ALK: variants seen among roughly 807,000 people sequenced by gnomAD.
ALK encodes ALK receptor tyrosine kinase.
ALK carries 74 observed loss-of-function variants against 163.1 expected under a neutral mutation model. The ratio of observed to expected loss-of-function variants is 0.45; its 90% CI spans 0.38 to 0.55. The LOEUF (loss-of-function observed/expected upper bound fraction) is 0.55, where lower values mean the gene tolerates loss of function less well. Ranked by LOEUF, ALK falls within the 20% of genes least tolerant of loss-of-function variation. The pLI, the probability that ALK is intolerant of heterozygous loss-of-function variation, is 0.00. For missense variants in ALK, 2,063 were observed against 2,105.3 expected (o/e 0.98, Z 0.39); for synonymous variants, 960 against 843.2 (o/e 1.14, Z -2.40).
chr2:29,842,977 C>T (rs1357207936), intron 1 of ALK, among the ~76,000 whole-genome samples: 1 of 152,180 alleles, frequency 6.6e-6, no homozygotes, highest in South Asian at 2.1e-4. Flanking sequence ...GAAATGAGAA[C>T]AGGGAATGCC....
rs138590996 is a variant in ALK, at chr2:29,745,116, C to G, written c.668-27419G>C. Among the ~76,000 whole-genome samples, 301 of 152,278 alleles carry G rather than the reference C, an allele frequency of 2.0e-3. 1 individual carries two copies. Among genetic ancestry groups the G allele is most frequent in the South Asian group, 7.5e-3 (36 of 4,818 alleles). ...ACAGGAAAGTGTGCTTTACTCTGTG[C>G]CTACCATATACTAGGCACTAGACTG... is the stretch of plus-strand genomic sequence containing the variant. On this transcript the variant is annotated intron_variant, in intron 1 of 28. Coordinates refer to ENST00000389048, the MANE Select transcript of ALK (RefSeq NM_004304.5).
Position 29,712,131 on chromosome 2 carries a change from C to T in ALK, c.787+5447G>A, listed in dbSNP as rs533163506. On this transcript the variant is annotated intron_variant, in intron 2 of 28. Transcript: ENST00000389048. Reference sequence around the variant, plus strand: ...AAGGCAACTCCTTTATATTGAATTTCCATGGATTGAGTATATTGGCTCCCA... The same window carrying T: ...AAGGCAACTCCTTTATATTGAATTTTCATGGATTGAGTATATTGGCTCCCA... 3.5e-4 allele frequency among the ~76,000 whole-genome samples: 53 copies of T among 152,306 alleles called. 1 individual carries two copies. The South Asian group carries it at 0.011, about 32-fold the overall frequency.
intron 2 of ALK, among the ~76,000 whole-genome samples, chr2:29,699,261 G>A (rs560287598): frequency 5.9e-5 from 9 of 152,290 alleles, no homozygotes; most frequent in South Asian, 2.1e-4. Flanking sequence ...CCCTCCTGGC[G>A]GTCTTCCACG....
At chr2:29,664,146 G>A (rs1045601490) in intron 3 of ALK, among the ~76,000 whole-genome samples, 2 of 152,144 alleles carry the variant, frequency 1.3e-5, no homozygotes, top group Non-Finnish European at 2.9e-5. Flanking sequence ...AGCCAGGAGA[G>A]ATGATCTTAG....
intron 3 of ALK, among the ~76,000 whole-genome samples, chr2:29,610,723 T>A (rs138453242): frequency 2.0e-5 from 3 of 152,302 alleles, no homozygotes; most frequent in African/African-American, 7.2e-5. Flanking sequence ...AATGTTACTC[T>A]GTATCTCATT....
At chr2:29,470,683 GA>G (rs1671326900) in intron 4 of ALK, among the ~76,000 whole-genome samples, 2 of 57,886 alleles carry the variant, frequency 3.5e-5, no homozygotes, top group African/African-American at 1.1e-4. Flanking sequence ...CAAAACAGCT[GA>G]ATTTTTTTTT....
rs377312820 is a variant in ALK at position 29,525,024 on chromosome 2, G to C, written c.1154+6891C>G. On this transcript the variant is annotated intron_variant, in intron 4 of 28. Transcript: ENST00000389048. Reference sequence around the variant, plus strand: ...ATGGAGCTTCCTTCTGGCTTTAAGAGGTTTGGCTTCTCTAGTCCATCTGTA... The same window carrying C: ...ATGGAGCTTCCTTCTGGCTTTAAGACGTTTGGCTTCTCTAGTCCATCTGTA... 7.9e-5 allele frequency among the ~76,000 whole-genome samples: 12 copies of C among 152,328 alleles called. No homozygotes were observed. In the East Asian group the frequency reaches 2.3e-3, roughly 29 times the overall value.
At chr2:29,308,826 T>C (rs543736767) in intron 8 of ALK, among the ~76,000 whole-genome samples, 5 of 152,120 alleles carry the variant, frequency 3.3e-5, no homozygotes, top group Non-Finnish European at 4.4e-5. Flanking sequence ...CAGGGGACAC[T>C]TTGTTAGAGA....
intron 3 of ALK, among the ~76,000 whole-genome samples, chr2:29,542,300 C>T (rs1441653471): frequency 6.6e-6 from 1 of 152,072 alleles, no homozygotes; most frequent in East Asian, 1.9e-4. Context: ...ATCACTAACA[C>T]ATCCATATAC....
chr2:29,261,216 A>G (rs568066832), intron 11 of ALK, among the ~76,000 whole-genome samples: 1 of 152,310 alleles, frequency 6.6e-6, no homozygotes, highest in Non-Finnish European at 1.5e-5. Flanking sequence ...TATATCTTGT[A>G]CAGATGCTGA....
chr2:29,737,690 G>A (rs1005673718), intron 1 of ALK, among the ~76,000 whole-genome samples: 1 of 152,094 alleles, frequency 6.6e-6, no homozygotes, highest in Non-Finnish European at 1.5e-5. Context: ...GTAGGCATCT[G>A]CCATGAACAT....
rs1171926104 is a variant in ALK, at chr2:29,564,068, T to C, written c.953-31952A>G. 8.1e-4 allele frequency among the ~76,000 whole-genome samples: 123 copies of C among 152,178 alleles called. 2 individuals carry two copies. Among genetic ancestry groups the C allele is most frequent in the Admixed American group, 7.7e-3 (118 of 15,282 alleles). ...TTAGCCCACCATCTTCTCAGATTGC[T>C]GGCTCCCTGAAATATTATGGGGACA... On this transcript the variant is annotated intron_variant, in intron 3 of 28. Coordinates refer to ENST00000389048, the MANE Select transcript of ALK (RefSeq NM_004304.5).
intron 5 of ALK, among the ~76,000 whole-genome samples, chr2:29,335,898 G>C (rs1167405454): frequency 6.6e-6 from 1 of 151,980 alleles, no homozygotes; most frequent in East Asian, 1.9e-4. Context: ...AAATTAGCTG[G>C]GCGTGGTCAT....
rs1056719068 is a variant in ALK, at chr2:29,217,111, TGG to T, written c.3646-3032_3646-3031del. On this transcript the variant is annotated intron_variant, in intron 23 of 28. Transcript: ENST00000389048. ...GGTATATGTCTATGTGGTGTGTCTG[TGG>T]GGGGGGGGCGTGTGTGGTGTGTGTG... 1.7e-3 allele frequency among the ~76,000 whole-genome samples: 161 copies of T among 97,232 alleles called. 2 individuals are homozygous for T. Among genetic ancestry groups the T allele is most frequent in the African/African-American group, 5.5e-3 (146 of 26,424 alleles). The allele number at this position is 97,232 out of a possible 152,430, so 63.8% of individuals were successfully genotyped here.
chr2:29,833,754 T>C (rs1665484196), intron 1 of ALK, among the ~76,000 whole-genome samples: 2 of 152,244 alleles, frequency 1.3e-5, no homozygotes, highest in Non-Finnish European at 2.9e-5. Flanking sequence ...GATTCAGGAT[T>C]GGAGCCCAGG....
intron 4 of ALK, among the ~76,000 whole-genome samples, chr2:29,472,659 G>A (rs1671376048): frequency 6.6e-6 from 1 of 152,034 alleles, no homozygotes; most frequent in African/African-American, 2.4e-5. Flanking sequence ...GAATCAATAG[G>A]TGAATTTAAC....
At chr2:29,425,343 A>C (rs1305694138) in intron 4 of ALK, among the ~76,000 whole-genome samples, 5 of 151,898 alleles carry the variant, frequency 3.3e-5, no homozygotes, top group Admixed American at 3.3e-4. Context: ...AGTGTCTGGT[A>C]CCTCCTGGTA....
chr2:29,194,636 A>G (rs1668977157), intron 28 of ALK, among the ~76,000 whole-genome samples: 1 of 151,286 alleles, frequency 6.6e-6, no homozygotes, highest in Admixed American at 6.6e-5. Context: ...AGTAGCTGGG[A>G]TTACAGGCAT....
At chr2:29,598,890 A>T (rs1360120358) in intron 3 of ALK, among the ~76,000 whole-genome samples, 1 of 152,198 alleles carries the variant, frequency 6.6e-6, no homozygotes, top group Non-Finnish European at 1.5e-5. Flanking sequence ...CAAAATAAAT[A>T]TTACAAGGCA....
Sources: allele counts gnomAD v4.1 joint callset (sites outside exome capture counted in the v4.1 genomes callset), GRCh38; gene constraint gnomAD v4.1.1; transcripts MANE v1.5; gene names NCBI Gene and HGNC (gene_info 2026-07-23, HGNC 2026-07-21).